RTF1: variants seen among roughly 807,000 people sequenced by gnomAD.
RTF1 encodes RTF1 homolog, Paf1/RNA polymerase II complex component, also known as RNA polymerase-associated protein RTF1 homolog.
RTF1 carries 10 observed loss-of-function variants against 95.7 expected under a neutral mutation model. The observed-to-expected ratio is 0.10, with a 90% confidence interval of 0.06 to 0.18. The LOEUF (loss-of-function observed/expected upper bound fraction) is 0.18. Ranked by LOEUF, RTF1 falls within the 10% of genes least tolerant of loss-of-function variation. The pLI is 1.00. For synonymous variants in RTF1, 305 were observed against 311.8 expected (o/e 0.98, Z 0.23); for missense variants, 458 against 875.6 (o/e 0.52, Z 6.02).
At chr15:41,431,517 G>A (rs1372471439) in intron 1 of RTF1, among the ~76,000 whole-genome samples, 1 of 151,806 alleles carries the variant, frequency 6.6e-6, no homozygotes, top group Non-Finnish European at 1.5e-5. Context: ...GCCCGACTGG[G>A]TTTTTCTTTT....
intron 6 of RTF1, among the ~76,000 whole-genome samples, chr15:41,467,164 T>C (rs1228554501): frequency 2.0e-5 from 3 of 152,214 alleles, no homozygotes; most frequent in South Asian, 2.1e-4. Flanking sequence ...ACCCTCCTGA[T>C]GGCATGAGTT....
At chr15:41,471,388 A>G in intron 8 of RTF1, 39 bp downstream of exon 8, 2 of 1,572,096 alleles carry the variant, frequency 1.3e-6, no homozygotes, top group Non-Finnish European at 1.7e-6. Flanking sequence ...CCATGCTTTC[A>G]GTATAATTAG....
In RTF1 at chr15:41,482,960, T is replaced by TA. The variant is rs1287666594; in HGVS notation, c.*2277dup. 2.0e-5 allele frequency: 3 copies of TA among 152,630 alleles called. No homozygotes were observed. Among genetic ancestry groups the TA allele is most frequent in the Admixed American group, 6.5e-5 (1 of 15,278 alleles). 9.5% of individuals were successfully genotyped at this position (152,630 alleles called of 1,614,324 possible). A position where few individuals can be genotyped will look rare whatever the true frequency, so the allele number is the denominator to read the frequency against. On this transcript the variant is annotated 3_prime_UTR_variant, in exon 18 of 18. Transcript: ENST00000389629. ...TGTTGATTACATTATGGCTGTGTAATAAAATTTTTATTAAAACTGCATCAC... is the reference window on the plus strand; with the variant it reads ...TGTTGATTACATTATGGCTGTGTAATAAAAATTTTTATTAAAACTGCATCAC...
chr15:41,443,563 A>G (rs985978270), intron 2 of RTF1, among the ~76,000 whole-genome samples: 4 of 151,084 alleles, frequency 2.6e-5, no homozygotes, highest in African/African-American at 7.3e-5. Flanking sequence ...CAAGGTGAAA[A>G]GGAGGGGAGC....
At position 41,479,497 on chromosome 15, in the gene RTF1, CAGG is replaced by C. The variant is rs547929611; in HGVS notation, c.1914+305_1914+307del. On this transcript the variant is annotated intron_variant, in intron 16 of 17. Coordinates refer to ENST00000389629, the MANE Select transcript of RTF1 (RefSeq NM_015138.5). ...ACTACTGTATACCCTGCCAGCTTCA[CAGG>C]AGGAGAGATAACATACAAAGATCAG... Among the ~76,000 whole-genome samples the C allele has an allele frequency of 2.0e-4, 31 of 152,268 alleles. 1 individual carries two copies. The South Asian group carries it at 6.0e-3, about 30-fold the overall frequency.
chr15:41,474,805 T>C (rs2050934359), intron 9 of RTF1, 103 bp downstream of exon 9: 3 of 841,060 alleles, frequency 3.6e-6, no homozygotes, highest in South Asian at 2.7e-5. Context: ...CCATGAACGC[T>C]ATGTATGCAA....
At chr15:41,452,449 C>G (rs1000148385) in intron 2 of RTF1, among the ~76,000 whole-genome samples, 4 of 151,474 alleles carry the variant, frequency 2.6e-5, no homozygotes, top group Non-Finnish European at 4.4e-5. Flanking sequence ...AAACAAAAAT[C>G]TATGCCAGGT....
Position 41,475,573 on chromosome 15 carries a change from A to C in RTF1, c.1335A>C (p.Gln445His), listed in dbSNP as rs2050938147. ...TCCGTTTAGAGTTTGTCTCAAACCAAGAATTCACCGAAAGTGAGTTTATGA... is the reference window on the plus strand; with the variant it reads ...TCCGTTTAGAGTTTGTCTCAAACCACGAATTCACCGAAAGTGAGTTTATGA... Reference protein sequence around the residue: ...RVFRLEFVSNQEFTESEFMKW... With the variant: ...RVFRLEFVSNHEFTESEFMKW... The change falls in exon 10 of 18, where the codon CAA (glutamine) becomes CAC (histidine). Residue 445 changes from glutamine to histidine, a missense_variant. By Grantham distance (24) the Gln-to-His change is conservative (BLOSUM62 0). Transcript: ENST00000389629. 2 of 1,614,204 alleles carry C rather than the reference A, an allele frequency of 1.2e-6. No homozygotes were observed. Among genetic ancestry groups the C allele is most frequent in the Non-Finnish European group, 1.7e-6 (2 of 1,180,032 alleles).
chr15:41,456,586 C>T (rs141933533), intron 3 of RTF1, among the ~76,000 whole-genome samples: 1,964 of 151,002 alleles, frequency 0.013, 40 homozygotes, highest in African/African-American at 0.046. Context: ...CACTTGAGGT[C>T]AGGAGTTCAA....
intron 4 of RTF1, among the ~76,000 whole-genome samples, chr15:41,458,498 A>G (rs1308957157): frequency 2.0e-5 from 3 of 152,204 alleles, no homozygotes; most frequent in Non-Finnish European, 2.9e-5. Flanking sequence ...AGGGAATTAC[A>G]TACTTTGGGA....
intron 17 of RTF1, 49 bp from the exon 18 acceptor site, chr15:41,480,532 A>G: frequency 7.3e-7 from 1 of 1,363,688 alleles, no homozygotes; most frequent in South Asian, 1.2e-5. Flanking sequence ...CACAGGACTA[A>G]GAGGACTTTG....
rs1324818168 is a variant in RTF1 at position 41,424,836 on chromosome 15, C to T, written c.198+7523C>T. 2.0e-5 allele frequency among the ~76,000 whole-genome samples: 3 copies of T among 152,164 alleles called. No individual in the cohort carries two copies. In the East Asian group the frequency reaches 5.8e-4, roughly 30 times the overall value. ...CCAGGCGGGCCAACATGGCGAAACC[C>T]CATCTCTAGTAAAAATACAAAAATT... On this transcript the variant is annotated intron_variant, in intron 1 of 17. Coordinates refer to ENST00000389629, the MANE Select transcript of RTF1 (RefSeq NM_015138.5).
chr15:41,456,826 C>T (rs1566844187), intron 3 of RTF1, among the ~76,000 whole-genome samples: 2 of 151,896 alleles, frequency 1.3e-5, no homozygotes. Context: ...TGGCTCACAC[C>T]TGTAATCCCA....
rs2050932383 is a variant in RTF1 at position 41,474,518 on chromosome 15, C to CTT, written c.1204-101_1204-100insTT. On this transcript the variant is annotated intron_variant, in intron 8 of 17. Transcript: ENST00000389629. ...GCAGCTGTGGACTCTACTCAGCACT[C>CTT]TATCAGTTGTCTGCGTTCAGGTAGA... 5.9e-6 allele frequency: 5 copies of CTT among 851,376 alleles called. No individual in the cohort carries two copies. The South Asian group carries it at 6.8e-5, about 12-fold the overall frequency. The allele number at this position is 851,376 out of a possible 1,614,324, so 52.7% of individuals were successfully genotyped here.
chr15:41,446,364 A>G lies in RTF1; in HGVS notation c.310-6537A>G, dbSNP rs903983326. 2.0e-5 allele frequency among the ~76,000 whole-genome samples: 3 copies of G among 152,036 alleles called. No individual in the cohort carries two copies. The East Asian group carries it at 5.8e-4, about 30-fold the overall frequency. ...GGCGGGCGGATCACGAGGTCAGGAG[A>G]TCGAGACCATCCTAACCCAGTGAAA... On this transcript the variant is annotated intron_variant, in intron 2 of 17. Coordinates refer to ENST00000389629, the MANE Select transcript of RTF1 (RefSeq NM_015138.5).
intron 2 of RTF1, among the ~76,000 whole-genome samples, chr15:41,439,560 A>G (rs1454233396): frequency 1.3e-5 from 2 of 152,224 alleles, no homozygotes; most frequent in Non-Finnish European, 2.9e-5. Context: ...CAACAATGGC[A>G]GGCCCTAAAA....
At position 41,475,761 on chromosome 15, in the gene RTF1, A is replaced by G. The variant is rs755235875; in HGVS notation, c.1424A>G (p.Lys475Arg). 6.2e-7 allele frequency: 1 copy of G among 1,610,464 alleles called. No individual in the cohort carries two copies. The highest frequency in any genetic ancestry group is 1.1e-5 in the South Asian group (1 of 90,860). ...CCCACTCTAGATGAAATCAATAAAA[A>G]GGAATTATCTATTAAAGAAGCTCTT... The part of the protein sequence containing the change: ...QLPTLDEINK[K>R]ELSIKEALNY... The change falls in exon 11 of 18, where the codon AAG becomes AGG. Residue 475 changes from lysine (K) to arginine (R), a missense_variant. By Grantham distance (26) the Lys-to-Arg change is conservative. Coordinates refer to ENST00000389629, the MANE Select transcript of RTF1 (RefSeq NM_015138.5).
At chr15:41,459,680 G>C (rs1225256411) in intron 4 of RTF1, among the ~76,000 whole-genome samples, 1 of 152,106 alleles carries the variant, frequency 6.6e-6, no homozygotes, top group Admixed American at 6.5e-5. Flanking sequence ...TCAAGACTTG[G>C]AATTTCTCCT....
At chr15:41,443,686 G>T (rs1266574601) in intron 2 of RTF1, among the ~76,000 whole-genome samples, 1 of 151,848 alleles carries the variant, frequency 6.6e-6, no homozygotes, top group Non-Finnish European at 1.5e-5. Flanking sequence ...GATTGCTTAA[G>T]CTGGGAAGTT....
Sources: gnomAD v4.1 joint callset for allele counts (sites outside exome capture counted in the v4.1 genomes callset) on GRCh38, gnomAD v4.1.1 for gene constraint, MANE v1.5 for transcripts, NCBI Gene and HGNC (gene_info 2026-07-23, HGNC 2026-07-21) for gene names.